Variants in RASGRF1 observed in about 807,000 individuals in gnomAD.
The protein encoded by RASGRF1 is ras-specific guanine nucleotide-releasing factor 1.
Under a neutral mutation model 138.7 loss-of-function variants are expected in RASGRF1, and 40 were observed. That is an observed-to-expected ratio of 0.29 (90% confidence interval 0.22 to 0.38). The LOEUF (loss-of-function observed/expected upper bound fraction) is 0.38, where lower values mean the gene tolerates loss of function less well. Among genes scored for constraint, RASGRF1 ranks in the 10% least tolerant of loss-of-function variants. RASGRF1 has a pLI of 1.00. For synonymous variants in RASGRF1, 614 were observed against 663.2 expected, an observed-to-expected ratio of 0.93 and a Z score of 1.14; for missense variants, 1,108 against 1,650.4, an observed-to-expected ratio of 0.67 and a Z score of 5.69.
intron 1 of RASGRF1, among the ~76,000 whole-genome samples, chr15:79,067,638 C>T (rs765213763): frequency 1.3e-5 from 2 of 152,156 alleles, no homozygotes; most frequent in African/African-American, 2.4e-5. Context: ...CCACATTGCC[C>T]GACTGACTTG....
intron 1 of RASGRF1, among the ~76,000 whole-genome samples, chr15:79,066,766 C>T (rs548305778): frequency 2.6e-4 from 40 of 152,330 alleles, no homozygotes; most frequent in African/African-American, 9.6e-4. Flanking sequence ...CCAGGAAGAC[C>T]CTCCAGGCCT....
At chr15:79,049,177 A>G (rs2057395328) in intron 4 of RASGRF1, among the ~76,000 whole-genome samples, 1 of 152,084 alleles carries the variant, frequency 6.6e-6, no homozygotes, top group African/African-American at 2.4e-5. Flanking sequence ...GTGAATGGCA[A>G]TGCGAGGAAA....
rs570508997 is a variant in RASGRF1, at chr15:78,991,887, C to T, written c.3028-93G>A. 483 of 975,604 alleles carry T rather than the reference C, an allele frequency of 5.0e-4. 1 individual carries two copies. The highest frequency in any genetic ancestry group is 6.7e-4 in the Non-Finnish European group (412 of 619,144). 60.4% of individuals were successfully genotyped at this position (975,604 alleles called of 1,614,324 possible). On this transcript the variant is annotated intron_variant, in intron 20 of 26. Coordinates refer to ENST00000558480, the MANE Select transcript of RASGRF1 (RefSeq NM_001145648.3). ...TGCCTCTGTGGGGGTATCTCGCCCT[C>T]GAATTGGGTGGGCGGGTGGACGGGG...
chr15:79,056,394 G>A (rs1307582917), intron 3 of RASGRF1, among the ~76,000 whole-genome samples: 1 of 152,206 alleles, frequency 6.6e-6, no homozygotes, highest in Non-Finnish European at 1.5e-5. Flanking sequence ...TGTTGGGCGA[G>A]GATTGATCCC....
intron 13 of RASGRF1, chr15:79,012,488 C>A: frequency 1.9e-6 from 3 of 1,585,216 alleles, no homozygotes; most frequent in Non-Finnish European, 2.6e-6. Context: ...GGAGACCCCA[C>A]CTGCTCATTT....
intron 5 of RASGRF1, among the ~76,000 whole-genome samples, chr15:79,041,832 C>T (rs982080438): frequency 1.3e-5 from 2 of 152,192 alleles, no homozygotes; most frequent in Non-Finnish European, 2.9e-5. Flanking sequence ...GCCTGCCCCT[C>T]GTCACCCTCC....
At chr15:79,016,168 C>T (rs971786162) in intron 12 of RASGRF1, among the ~76,000 whole-genome samples, 4 of 152,150 alleles carry the variant, frequency 2.6e-5, no homozygotes, top group Non-Finnish European at 5.9e-5. Flanking sequence ...CTTGGCATAG[C>T]GATAGGGAAG....
chr15:79,004,983 C>A (rs2056638421), intron 14 of RASGRF1: 1 of 985,392 alleles, frequency 1.0e-6, no homozygotes, highest in Admixed American at 6.1e-5. Context: ...GGCTCTGAAC[C>A]AGCCTCTTTG....
chr15:79,060,821 T>C lies in RASGRF1; in HGVS notation c.384-2340A>G, dbSNP rs1188325451. Among the ~76,000 whole-genome samples, 3 of 152,212 alleles carry C rather than the reference T, an allele frequency of 2.0e-5. No homozygotes were observed. In the East Asian group the frequency reaches 5.8e-4, roughly 29 times the overall value. On this transcript the variant is annotated intron_variant, in intron 2 of 26. Coordinates refer to ENST00000558480, the MANE Select transcript of RASGRF1 (RefSeq NM_001145648.3). ...TAGTGAATTGCTTGAAAAATTATCC[T>C]GTCCATGGTAGGCAGGAGAGGTGTG...
chr15:79,065,594 T>C (rs569503217), intron 1 of RASGRF1, among the ~76,000 whole-genome samples: 42 of 151,792 alleles, frequency 2.8e-4, no homozygotes, highest in Admixed American at 2.6e-3. Context: ...TGCAGAGGGA[T>C]TCGTCGGAGA....
intron 23 of RASGRF1, chr15:78,981,627 C>A (rs1288168469): frequency 6.6e-6 from 1 of 152,204 alleles, no homozygotes; most frequent in Non-Finnish European, 1.5e-5. Flanking sequence ...CAATCTAAGT[C>A]TCCATTCTGA....
intron 24 of RASGRF1, chr15:78,978,745 C>G: frequency 9.0e-7 from 1 of 1,114,036 alleles, no homozygotes; most frequent in South Asian, 2.3e-5. Flanking sequence ...CTTAGAGCCT[C>G]AGGAGAGGGG....
In RASGRF1 at chr15:79,033,351, T is replaced by G. The variant is rs1390032938; in HGVS notation, c.959-1035A>C. Among the ~76,000 whole-genome samples, 3 of 152,052 alleles carry G rather than the reference T, an allele frequency of 2.0e-5. No homozygotes were observed. The East Asian group carries it at 5.8e-4, about 29-fold the overall frequency. On this transcript the variant is annotated intron_variant, in intron 6 of 26. Coordinates refer to ENST00000558480, the MANE Select transcript of RASGRF1 (RefSeq NM_001145648.3). ...TCTGCCTCCCGTGTTCAAGTGATTC[T>G]CCCACCTCAGCCTCCCAAGTAGCTG... is the stretch of plus-strand genomic sequence containing the variant.
chr15:79,025,354 A>G lies in RASGRF1; in HGVS notation c.1502T>C (p.Ile501Thr), dbSNP rs2057032116. Residue 501 changes from isoleucine to threonine, a missense_variant, in exon 10 of 27, where the codon ATC (isoleucine) becomes ACC (threonine). This residue lies in a region of RASGRF1 where 169 missense variants were observed against 344.2 expected (regional missense o/e 0.49). Transcript: ENST00000558480. ...QCFLFSKHLI[I>T]CTRGSGGKLH... Reference sequence around the variant, plus strand: ...CTTCCCTCCAGAGCCTCTGGTACAGATAATCAGATGCTTAGAAAACAGGAA... The same window carrying G: ...CTTCCCTCCAGAGCCTCTGGTACAGGTAATCAGATGCTTAGAAAACAGGAA... The G allele has an allele frequency of 6.2e-7, 1 of 1,613,856 alleles. No homozygotes were observed. The highest frequency in any genetic ancestry group is 8.5e-7 in the Non-Finnish European group (1 of 1,179,920).
chr15:78,979,226 G>A (rs2055960984), intron 24 of RASGRF1: 1 of 1,232,056 alleles, frequency 8.1e-7, no homozygotes, highest in Admixed American at 2.6e-5. Context: ...CAAACAAAGT[G>A]GAGATGGTCA....
In RASGRF1 at chr15:79,058,319, C is replaced by A. The variant is rs749296738; in HGVS notation, c.531+15G>T. On this transcript the variant is annotated intron_variant, in intron 3 of 26. Transcript: ENST00000558480. The stretch of plus-strand genomic sequence containing the variant: ...TGTGCCTAGGGCCTGGGCCCACCCC[C>A]CAGCCCGCAGTCACCTCTGCCTTCA... 11 of 1,610,432 alleles carry A rather than the reference C, an allele frequency of 6.8e-6. No homozygotes were observed. The highest frequency in any genetic ancestry group is 1.7e-5 in the Admixed American group (1 of 59,964).
At chr15:79,012,373 T>G (rs757517432) in intron 13 of RASGRF1, 7 of 773,622 alleles carry the variant, frequency 9.0e-6, no homozygotes, top group African/African-American at 5.2e-5. Context: ...CTTCTGGACC[T>G]CGCCTGGATT....
intron 13 of RASGRF1, among the ~76,000 whole-genome samples, chr15:79,012,946 G>C (rs1411453395): frequency 6.6e-6 from 1 of 152,208 alleles, no homozygotes. Context: ...GCCTCCCAAA[G>C]TTCATCTGCT....
intron 3 of RASGRF1, among the ~76,000 whole-genome samples, chr15:79,051,993 A>G (rs1481332577): frequency 6.6e-6 from 1 of 152,048 alleles, no homozygotes; most frequent in Non-Finnish European, 1.5e-5. Flanking sequence ...TTTGCTTTGC[A>G]CCCTGCTTTG....
Sources: allele counts gnomAD v4.1 joint callset (sites outside exome capture counted in the v4.1 genomes callset), GRCh38; gene constraint gnomAD v4.1.1; regional missense constraint gnomAD v4.1.1; transcripts MANE v1.5; gene names NCBI Gene and HGNC (gene_info 2026-07-23, HGNC 2026-07-21).